The following RNGTT variants were observed in gnomAD, a reference collection of about 807,000 sequenced individuals.
RNGTT encodes RNA guanylyltransferase and 5'-phosphatase, also known as mRNA-capping enzyme.
Under a neutral mutation model 79.3 loss-of-function variants are expected in RNGTT, and 33 were observed. The ratio of observed to expected loss-of-function variants is 0.42; its 90% CI spans 0.32 to 0.56. The LOEUF (loss-of-function observed/expected upper bound fraction) is 0.56. Ranked by LOEUF, RNGTT falls within the 20% of genes least tolerant of loss-of-function variation. RNGTT has a pLI of 0.17. For missense variants in RNGTT, 497 were observed against 739.1 expected, an observed-to-expected ratio of 0.67 and a Z score of 3.80; for synonymous variants, 222 against 235.9, an observed-to-expected ratio of 0.94 and a Z score of 0.54.
At chr6:88,881,497 C>G (rs145080485) in intron 8 of RNGTT, among the ~76,000 whole-genome samples, 3 of 152,268 alleles carry the variant, frequency 2.0e-5, no homozygotes, top group African/African-American at 4.8e-5. Context: ...CTAGCAAAAC[C>G]TCAGCCAAAT....
At chr6:88,672,346 T>C (rs1194424864) in intron 14 of RNGTT, among the ~76,000 whole-genome samples, 1 of 151,986 alleles carries the variant, frequency 6.6e-6, no homozygotes, top group Admixed American at 6.6e-5. Context: ...GCTCCATATA[T>C]ATGTATATGA....
intron 1 of RNGTT, among the ~76,000 whole-genome samples, chr6:88,962,031 G>GA (rs1245718403): frequency 3.3e-5 from 5 of 152,180 alleles, no homozygotes; most frequent in Non-Finnish European, 7.3e-5. Flanking sequence ...TAATTATGCT[G>GA]AGTGAAAAAA....
chr6:88,738,127 T>A (rs1390498991), intron 13 of RNGTT, among the ~76,000 whole-genome samples: 2 of 152,194 alleles, frequency 1.3e-5, no homozygotes, highest in Non-Finnish European at 2.9e-5. Context: ...GTACTCTTGA[T>A]ACAGTGTGAT....
intron 12 of RNGTT, among the ~76,000 whole-genome samples, chr6:88,790,241 A>G: frequency 6.6e-6 from 1 of 152,242 alleles, no homozygotes; most frequent in East Asian, 1.9e-4. Flanking sequence ...GGATTGAGTC[A>G]TATAAATAAC....
At chr6:88,871,264 G>A (rs1782344844) in intron 8 of RNGTT, among the ~76,000 whole-genome samples, 1 of 151,158 alleles carries the variant, frequency 6.6e-6, no homozygotes, top group Non-Finnish European at 1.5e-5. Context: ...CAACCACACA[G>A]AAATTTTCAA....
chr6:88,853,853 T>TTAAA (rs1321017926), intron 8 of RNGTT, 89 bp from the exon 9 acceptor site: 3 of 726,016 alleles, frequency 4.1e-6, no homozygotes, highest in Non-Finnish European at 6.7e-6. Context: ...TCCATAGACC[T>TTAAA]TAAACATCTG....
chr6:88,652,375 T>C (rs1462980026), intron 14 of RNGTT, among the ~76,000 whole-genome samples: 1 of 152,184 alleles, frequency 6.6e-6, no homozygotes, highest in South Asian at 2.1e-4. Context: ...CTGTAGATAA[T>C]AAAATTTGAG....
intron 13 of RNGTT, among the ~76,000 whole-genome samples, chr6:88,683,918 T>C (rs1775181484): frequency 6.6e-6 from 1 of 152,006 alleles, no homozygotes; most frequent in Non-Finnish European, 1.5e-5. Flanking sequence ...AGGAAGCTGA[T>C]GCAGGAGGAT....
intron 2 of RNGTT, 62 bp from the exon 3 acceptor site, chr6:88,929,329 T>A: frequency 9.7e-7 from 1 of 1,026,310 alleles, no homozygotes; most frequent in Non-Finnish European, 1.5e-6. Flanking sequence ...CCCAAATAAG[T>A]AGACTAAATG....
At chr6:88,763,645 G>T (rs996778302) in intron 13 of RNGTT, among the ~76,000 whole-genome samples, 7 of 152,100 alleles carry the variant, frequency 4.6e-5, no homozygotes, top group African/African-American at 1.7e-4. Context: ...GTGATAAAGA[G>T]GAAGTATAAA....
intron 14 of RNGTT, among the ~76,000 whole-genome samples, chr6:88,616,630 T>A (rs1448580791): frequency 6.6e-6 from 1 of 152,188 alleles, no homozygotes; most frequent in African/African-American, 2.4e-5. Context: ...TGGTCTTGAT[T>A]TGCATTTCAC....
intron 13 of RNGTT, among the ~76,000 whole-genome samples, chr6:88,697,416 T>C (rs983627594): frequency 2.6e-5 from 4 of 151,942 alleles, no homozygotes; most frequent in African/African-American, 9.7e-5. Context: ...CCAGGCGTGG[T>C]GGCGGGCACC....
At chr6:88,945,472 T>G (rs1784977875) in intron 1 of RNGTT, among the ~76,000 whole-genome samples, 2 of 152,192 alleles carry the variant, frequency 1.3e-5, no homozygotes, top group Admixed American at 6.5e-5. Flanking sequence ...CTCTTGTTAG[T>G]TTCAATCACC....
chr6:88,893,939 A>G (rs1212100874), intron 6 of RNGTT, among the ~76,000 whole-genome samples: 1 of 152,314 alleles, frequency 6.6e-6, no homozygotes, highest in South Asian at 2.1e-4. Flanking sequence ...TCAAAATTAT[A>G]TAACTCCAAG....
At chr6:88,815,262 G>GAGGT (rs762857789) in intron 11 of RNGTT, among the ~76,000 whole-genome samples, 11 of 152,208 alleles carry the variant, frequency 7.2e-5, no homozygotes, top group Non-Finnish European at 1.0e-4. Context: ...TAGCCAGGAA[G>GAGGT]AGGTAACAGC....
chr6:88,801,373 A>G (rs1190741715), intron 12 of RNGTT, among the ~76,000 whole-genome samples, 191 bp downstream of exon 12: 2 of 152,232 alleles, frequency 1.3e-5, no homozygotes, highest in African/African-American at 4.8e-5. Context: ...TTAGTATTAC[A>G]TGTATTTAGA....
At chr6:88,744,757 GTAATT>G (rs1218652436) in intron 13 of RNGTT, among the ~76,000 whole-genome samples, 2 of 152,094 alleles carry the variant, frequency 1.3e-5, no homozygotes, top group South Asian at 2.1e-4. Flanking sequence ...AACAAGATGA[GTAATT>G]TAGGAGAAAG....
intron 13 of RNGTT, among the ~76,000 whole-genome samples, chr6:88,719,747 T>C (rs1776644472): frequency 6.6e-6 from 1 of 152,206 alleles, no homozygotes; most frequent in Non-Finnish European, 1.5e-5. Context: ...TTTAACAAAA[T>C]GTTTTATTTC....
intron 8 of RNGTT, among the ~76,000 whole-genome samples, chr6:88,887,527 A>G (rs1782906668): frequency 6.6e-6 from 1 of 152,202 alleles, no homozygotes; most frequent in African/African-American, 2.4e-5. Flanking sequence ...CAGAGTAGGT[A>G]TTCAATAAAT....
Sources: gnomAD v4.1 joint callset for allele counts (sites outside exome capture counted in the v4.1 genomes callset) on GRCh38, gnomAD v4.1.1 for gene constraint, MANE v1.5 for transcripts, NCBI Gene and HGNC (gene_info 2026-07-23, HGNC 2026-07-21) for gene names.